CDH13: variants seen among roughly 807,000 people sequenced by gnomAD.
CDH13 encodes the protein cadherin 13, also known as cadherin-13.
In CDH13, 24 loss-of-function variants were observed where a neutral mutation model predicts 63.8. The ratio of observed to expected loss-of-function variants is 0.38; its 90% CI spans 0.27 to 0.53. The LOEUF (loss-of-function observed/expected upper bound fraction) is 0.53. CDH13 is among the 20% of genes least tolerant of loss of function. The probability of loss-of-function intolerance (pLI) is 0.85; values close to 1 mark genes in which losing one functional copy is unlikely to be tolerated. For synonymous variants in CDH13, 503 were observed against 355.3 expected, an observed-to-expected ratio of 1.42 and a Z score of -4.67; for missense variants, 1,049 against 903.1, an observed-to-expected ratio of 1.16 and a Z score of -2.07.
intron 1 of CDH13, among the ~76,000 whole-genome samples, chr16:82,630,700 C>G (rs150724371): frequency 3.9e-5 from 6 of 152,112 alleles, no homozygotes; most frequent in African/African-American, 1.4e-4. Context: ...TATTTCCTTC[C>G]AAAAATACAA....
rs8062386 is a variant in CDH13, at chr16:83,054,647, C to T, written c.366+22429C>T. Among the ~76,000 whole-genome samples the T allele has an allele frequency of 7.1e-3, 1,073 of 152,146 alleles. 11 individuals are homozygous for T. The highest frequency in any genetic ancestry group is 0.024 in the African/African-American group (1,003 of 41,530). ...AATTGACTATAGGTAACTAAAACTA[C>T]AGAAAGCAAAACTACAGATAAGAGG... On this transcript the variant is annotated intron_variant, in intron 3 of 13. Transcript: ENST00000567109.
chr16:83,535,926 A>T (rs990190040), intron 7 of CDH13, among the ~76,000 whole-genome samples: 2 of 138,846 alleles, frequency 1.4e-5, no homozygotes, highest in African/African-American at 5.3e-5. Flanking sequence ...AAAGAAGGAA[A>T]GAAGGAAGGA....
At chr16:83,068,400 C>G (rs771242965) in intron 3 of CDH13, among the ~76,000 whole-genome samples, 2 of 152,176 alleles carry the variant, frequency 1.3e-5, no homozygotes, top group Non-Finnish European at 2.9e-5. Context: ...GACTCTGTAA[C>G]TTTGGAGACT....
intron 7 of CDH13, among the ~76,000 whole-genome samples, chr16:83,505,236 G>C (rs947099692): frequency 6.6e-6 from 1 of 152,158 alleles, no homozygotes; most frequent in Non-Finnish European, 1.5e-5. Context: ...AACAAGAATT[G>C]TTTCTCAGTT....
Position 82,745,349 on chromosome 16 carries a change from G to A in CDH13, c.46-113013G>A, listed in dbSNP as rs566069846. ...GGACTGATTTTGACATTTTAAACAT[G>A]ATTTTTCTCCATTAATAGAGTACCA... On this transcript the variant is annotated intron_variant, in intron 1 of 13. Transcript: ENST00000567109. Among the ~76,000 whole-genome samples the A allele has an allele frequency of 2.0e-4, 30 of 152,246 alleles. No homozygotes were observed. In the South Asian group the frequency reaches 6.2e-3, roughly 32 times the overall value.
At chr16:82,686,399 C>T (rs1045005386) in intron 1 of CDH13, among the ~76,000 whole-genome samples, 2 of 152,136 alleles carry the variant, frequency 1.3e-5, no homozygotes, top group African/African-American at 4.8e-5. Context: ...GTCTTAGCAT[C>T]CATTTGGGTG....
chr16:82,801,039 A>G (rs191215116), intron 1 of CDH13, among the ~76,000 whole-genome samples: 79 of 152,310 alleles, frequency 5.2e-4, no homozygotes, highest in African/African-American at 1.7e-3. Context: ...AGCAAAGATT[A>G]GGACCAGTGT....
At chr16:82,875,552 C>A (rs79882099) in intron 2 of CDH13, among the ~76,000 whole-genome samples, 1 of 152,034 alleles carries the variant, frequency 6.6e-6, no homozygotes, top group African/African-American at 2.4e-5. Flanking sequence ...CAGTGAATGA[C>A]GATATTTGTT....
intron 6 of CDH13, among the ~76,000 whole-genome samples, chr16:83,422,557 A>T (rs2071749406): frequency 6.6e-6 from 1 of 152,204 alleles, no homozygotes; most frequent in African/African-American, 2.4e-5. Flanking sequence ...AAATGTCTTG[A>T]AAGCTCTTTC....
chr16:82,964,085 C>T (rs926702686), intron 2 of CDH13, among the ~76,000 whole-genome samples: 1 of 152,134 alleles, frequency 6.6e-6, no homozygotes, highest in African/African-American at 2.4e-5. Context: ...CAGTATGACC[C>T]TCAGACGCTG....
At chr16:83,173,423 A>G (rs1240463116) in intron 4 of CDH13, among the ~76,000 whole-genome samples, 2 of 152,094 alleles carry the variant, frequency 1.3e-5, no homozygotes, top group African/African-American at 4.8e-5. Flanking sequence ...AGTAAGCAGC[A>G]TTTCTAGCAC....
rs1169174270 is a variant in CDH13, at chr16:83,062,962, A to T, written c.366+30744A>T. Among the ~76,000 whole-genome samples, 1,001 of 134,072 alleles carry T rather than the reference A, an allele frequency of 7.5e-3. 5 individuals are homozygous for T. The highest frequency in any genetic ancestry group is 8.9e-3 in the Non-Finnish European group (562 of 63,282). 88.0% of individuals were successfully genotyped at this position (134,072 alleles called of 152,430 possible). On this transcript the variant is annotated intron_variant, in intron 3 of 13. Coordinates refer to ENST00000567109, the MANE Select transcript of CDH13 (RefSeq NM_001257.5). Reference sequence around the variant, plus strand: ...TCAGATGTCTTATGTGGTGGTTGGCATTTTTTTTTTTTTTTTTTGAGTCAG... The same window carrying T: ...TCAGATGTCTTATGTGGTGGTTGGCTTTTTTTTTTTTTTTTTTTGAGTCAG...
intron 5 of CDH13, among the ~76,000 whole-genome samples, chr16:83,331,858 A>T (rs2090487084): frequency 6.6e-6 from 1 of 152,150 alleles, no homozygotes; most frequent in South Asian, 2.1e-4. Context: ...AATCTTTTAT[A>T]ACATTGTGTT....
At chr16:83,480,644 C>CAAAACT (rs1320926580) in intron 6 of CDH13, among the ~76,000 whole-genome samples, 2 of 152,180 alleles carry the variant, frequency 1.3e-5, no homozygotes, top group Admixed American at 1.3e-4. Flanking sequence ...AGAGACGTGT[C>CAAAACT]TACACCTGAA....
At chr16:83,660,643 C>T (rs1327000947) in intron 8 of CDH13, among the ~76,000 whole-genome samples, 2 of 152,202 alleles carry the variant, frequency 1.3e-5, no homozygotes, top group Admixed American at 6.5e-5. Flanking sequence ...GAATTCCCTA[C>T]TCCTTTAAAT....
intron 2 of CDH13, among the ~76,000 whole-genome samples, chr16:82,966,660 G>T (rs1340762055): frequency 2.0e-5 from 3 of 152,122 alleles, no homozygotes; most frequent in African/African-American, 7.2e-5. Flanking sequence ...CAGGAAAGTT[G>T]CAAAAAGAAT....
chr16:83,386,252 C>T (rs889717), intron 6 of CDH13, among the ~76,000 whole-genome samples: 14,145 of 152,190 alleles, frequency 0.093, 916 homozygotes, highest in Non-Finnish European at 0.13. Flanking sequence ...TGTGTGGCCA[C>T]GATCTCTTGA....
At chr16:83,341,994 CACACACACACACACA>C (rs2090735097) in intron 5 of CDH13, among the ~76,000 whole-genome samples, 1 of 126,542 alleles carries the variant, frequency 7.9e-6, no homozygotes, top group Non-Finnish European at 1.7e-5. Flanking sequence ...CCCTGCCACA[CACACACACACACACA>C]CACACACACA....
chr16:82,836,629 G>A (rs2038779154), intron 1 of CDH13, among the ~76,000 whole-genome samples: 1 of 152,158 alleles, frequency 6.6e-6, no homozygotes, highest in Non-Finnish European at 1.5e-5. Context: ...GGAAATGACA[G>A]CGTCTTGGCA....
Sources: allele counts gnomAD v4.1 joint callset (sites outside exome capture counted in the v4.1 genomes callset), GRCh38; gene constraint gnomAD v4.1.1; transcripts MANE v1.5; gene names NCBI Gene and HGNC (gene_info 2026-07-23, HGNC 2026-07-21).